The following CDHR3 variants were observed in gnomAD, a reference collection of about 807,000 sequenced individuals.
The protein encoded by CDHR3 is cadherin-related family member 3.
A neutral mutation model predicts 86.6 loss-of-function variants in CDHR3; 79 were observed. The ratio of observed to expected loss-of-function variants is 0.91; its 90% CI spans 0.76 to 1.10. The LOEUF (loss-of-function observed/expected upper bound fraction) is 1.10, where lower values mean the gene tolerates loss of function less well. CDHR3 is among the 50% of genes least tolerant of loss of function. The pLI, the probability that CDHR3 is intolerant of heterozygous loss-of-function variation, is 0.00. For synonymous variants in CDHR3, 421 were observed against 402.4 expected (o/e 1.05, Z -0.55); for missense variants, 1,081 against 1,077.6 (o/e 1.00, Z -0.04).
intron 8 of CDHR3, among the ~76,000 whole-genome samples, chr7:106,005,700 C>T (rs1585721492): frequency 6.6e-6 from 1 of 152,200 alleles, no homozygotes; most frequent in Non-Finnish European, 1.5e-5. Flanking sequence ...GACCCTAGAC[C>T]AGGATTGCCT....
In CDHR3 at chr7:105,976,782, G is replaced by A. The variant is rs150273430; in HGVS notation, c.249+1736G>A. Among the ~76,000 whole-genome samples, 395 of 152,274 alleles carry A rather than the reference G, an allele frequency of 2.6e-3. 1 individual carries two copies. Among genetic ancestry groups the A allele is most frequent in the African/African-American group, 8.6e-3 (359 of 41,548 alleles). ...GTCACCCATGTTGTAGCCTGGATCA[G>A]TACTTCATTGCTTTTTATGGCTGAA... On this transcript the variant is annotated intron_variant, in intron 2 of 18. Transcript: ENST00000317716.
In CDHR3 at chr7:106,024,399, G is replaced by GT. The variant is rs1563304380; in HGVS notation, c.2096dup (p.Leu700ProfsTer79). The GT allele has an allele frequency of 6.2e-7, 1 of 1,613,960 alleles. No homozygotes were observed. Among genetic ancestry groups the GT allele is most frequent in the Non-Finnish European group, 8.5e-7 (1 of 1,179,874 alleles). On this transcript the variant is annotated frameshift_variant, in exon 15 of 19. Transcript: ENST00000317716. LOFTEE classifies it high-confidence loss of function. ...GTTCAAGCCCAGGGTCACCTATCAG[G>GT]TCCTGAGGAAAAACGTTTACTCTCC... is the stretch of plus-strand genomic sequence containing the variant.
chr7:106,030,771 C>A lies in CDHR3; in HGVS notation c.2305-21C>A. ...AAGGAATGTAGGATTGTGTTTGATG[C>A]TGTCTCTGTCTTCTCCTTAGGAAAC... On this transcript the variant is annotated intron_variant, in intron 17 of 18. Transcript: ENST00000317716. The surrounding 1 kb of genome is among the most constrained non-coding windows in gnomAD (Gnocchi z 4.8). 6.2e-7 allele frequency: 1 copy of A among 1,605,514 alleles called. No individual in the cohort carries two copies. Among genetic ancestry groups the A allele is most frequent in the African/African-American group, 1.3e-5 (1 of 74,908 alleles).
chr7:106,024,727 C>A (rs1008816107), intron 15 of CDHR3, among the ~76,000 whole-genome samples, 165 bp downstream of exon 15: 1 of 152,186 alleles, frequency 6.6e-6, no homozygotes, highest in Non-Finnish European at 1.5e-5. Flanking sequence ...CAGCTCCCCT[C>A]GGTCCTGGTG....
intron 10 of CDHR3, among the ~76,000 whole-genome samples, chr7:106,015,426 G>A (rs536816631): frequency 7.2e-5 from 11 of 151,952 alleles, no homozygotes; most frequent in South Asian, 4.2e-4. Flanking sequence ...TAAAGCCTTC[G>A]AGCATCTCCT....
chr7:105,988,721 G>A (rs763552423), intron 4 of CDHR3, among the ~76,000 whole-genome samples: 1 of 152,118 alleles, frequency 6.6e-6, no homozygotes, highest in Non-Finnish European at 1.5e-5. Flanking sequence ...ATATTGGACC[G>A]GCTCTGTCCA....
chr7:106,022,408 T>A lies in CDHR3; in HGVS notation c.2036T>A (p.Val679Asp), dbSNP rs1836708372. The A allele has an allele frequency of 3.1e-6, 5 of 1,613,852 alleles. 1 individual carries two copies. In the Admixed American group the frequency reaches 6.7e-5, roughly 22 times the overall value. Residue 679 changes from valine (V) to aspartate (D), a missense_variant, in exon 14 of 19, where the codon GTC becomes GAC. Coordinates refer to ENST00000317716, the MANE Select transcript of CDHR3 (RefSeq NM_152750.5). ...GGAACAGTGACACTGAGTATTAAAG[T>A]CATTCCCCACCCAACCACTATCATC... Reference protein sequence around the residue: ...ETGTVTLSIKVIPHPTTIITT... With the variant: ...ETGTVTLSIKDIPHPTTIITT...
intron 8 of CDHR3, among the ~76,000 whole-genome samples, chr7:106,007,131 G>A (rs370810075): frequency 9.8e-5 from 15 of 152,298 alleles, no homozygotes; most frequent in East Asian, 5.8e-4. Context: ...AAGCTAGAGC[G>A]GCTGGGATGC....
At chr7:106,006,538 T>G (rs1346415822) in intron 8 of CDHR3, among the ~76,000 whole-genome samples, 1 of 152,216 alleles carries the variant, frequency 6.6e-6, no homozygotes, top group African/African-American at 2.4e-5. Context: ...TTGGCCAAAA[T>G]GCAGGTGCTA....
chr7:105,981,137 G>A lies in CDHR3; in HGVS notation c.415+4G>A, dbSNP rs1181167022. On this transcript the variant is annotated splice_donor_region_variant and intron_variant, in intron 3 of 18. Transcript: ENST00000317716. ...TTTCAAGGCAACTTGGCAGAAGGTA[G>A]GATACACCAGGATGTGCACTGCAGC... is the stretch of plus-strand genomic sequence containing the variant. The A allele has an allele frequency of 1.1e-5, 17 of 1,613,042 alleles. No homozygotes were observed. The highest frequency in any genetic ancestry group is 1.4e-5 in the Non-Finnish European group (17 of 1,179,458).
chr7:105,989,044 C>A lies in CDHR3; in HGVS notation c.513+4755C>A, dbSNP rs890907629. On this transcript the variant is annotated intron_variant, in intron 4 of 18. Transcript: ENST00000317716. ...GGCTACTGCATTGGCCAGGCACAGG[C>A]TTAGATCTAGCATTGGTTCCCCCTT... 2.0e-5 allele frequency among the ~76,000 whole-genome samples: 3 copies of A among 152,154 alleles called. 1 individual carries two copies. In the South Asian group the frequency reaches 6.2e-4, roughly 32 times the overall value.
At chr7:105,980,427 A>C (rs1290563153) in intron 2 of CDHR3, among the ~76,000 whole-genome samples, 1 of 135,850 alleles carries the variant, frequency 7.4e-6, no homozygotes, top group East Asian at 2.1e-4. Flanking sequence ...TTTTTTATTT[A>C]TTTTTGTAAT....
rs1474658214 is a variant in CDHR3, at chr7:106,012,791, G to A, written c.1053-69G>A. The A allele has an allele frequency of 2.0e-6, 3 of 1,494,576 alleles. No individual in the cohort carries two copies. In the African/African-American group the frequency reaches 4.2e-5, roughly 21 times the overall value. 92.6% of individuals were successfully genotyped at this position (1,494,576 alleles called of 1,614,324 possible). On this transcript the variant is annotated intron_variant, in intron 8 of 18. Coordinates refer to ENST00000317716, the MANE Select transcript of CDHR3 (RefSeq NM_152750.5). ...GTTAAAGTAGAGGTGTCTAGCCCAG[G>A]GCCCATGTGAGAAGGAACAGTCGAT... is the stretch of plus-strand genomic sequence containing the variant.
rs1041663405 is a variant in CDHR3 at position 106,030,286 on chromosome 7, T to C, written c.2305-506T>C. 6.6e-6 allele frequency among the ~76,000 whole-genome samples: 1 copy of C among 152,166 alleles called. No homozygotes were observed. The highest frequency in any genetic ancestry group is 2.4e-5 in the African/African-American group (1 of 41,436). On this transcript the variant is annotated intron_variant, in intron 17 of 18. Transcript: ENST00000317716. This position sits in a 1 kb window ranked among gnomAD's most constrained non-coding sequence, Gnocchi z 4.8. Reference sequence around the variant, plus strand: ...CTTAGGTGAGGCCCAGATGCGACACTGCATTGGCCTAGGCAAGGGGAGGCC... The same window carrying C: ...CTTAGGTGAGGCCCAGATGCGACACCGCATTGGCCTAGGCAAGGGGAGGCC...
At position 106,004,679 on chromosome 7, in the gene CDHR3, C is replaced by T. The variant is rs562175364; in HGVS notation, c.1044C>T (p.Phe348=). Residue 348 remains phenylalanine, a synonymous_variant, in exon 8 of 19, where the codon TTC becomes TTT. Coordinates refer to ENST00000317716, the MANE Select transcript of CDHR3 (RefSeq NM_152750.5). The part of the protein sequence containing the change: ...VNDNPATCQK[F]TFSIMVPERT... ...ACAATCCTGCCACATGCCAAAAGTT[C>T]ACCTTCAGGTATGCACACTTTGAAA... 6.2e-7 allele frequency: 1 copy of T among 1,614,010 alleles called. No individual in the cohort carries two copies. The highest frequency in any genetic ancestry group is 1.3e-5 in the African/African-American group (1 of 75,058).
At chr7:106,028,992 CTTTT>C (rs1178176316) in intron 17 of CDHR3, among the ~76,000 whole-genome samples, 6 of 129,624 alleles carry the variant, frequency 4.6e-5, no homozygotes, top group African/African-American at 8.7e-5. Flanking sequence ...TTCTTTCTTT[CTTTT>C]TAAGACACAG....
Position 106,004,578 on chromosome 7 carries a change from G to C in CDHR3, c.943G>C (p.Val315Leu). The change falls in exon 8 of 19, where the codon GTT becomes CTT. Residue 315 changes from valine (V) to leucine (L), a missense_variant. Val to Leu is a conservative substitution (Grantham distance 32). Transcript: ENST00000317716. ...LRQNPTISLE[V>L]LVKDRPYGGQ... The stretch of plus-strand genomic sequence containing the variant: ...ACAAAATCCCACCATTTCCCTGGAA[G>C]TTCTAGTGAAGGACAGACCATATGG... 1.9e-6 allele frequency: 3 copies of C among 1,614,026 alleles called. No homozygotes were observed. The highest frequency in any genetic ancestry group is 2.5e-6 in the Non-Finnish European group (3 of 1,179,878).
chr7:106,018,113 G>T, intron 12 of CDHR3, 41 bp downstream of exon 12: 2 of 1,547,278 alleles, frequency 1.3e-6, no homozygotes, highest in Non-Finnish European at 1.8e-6. Context: ...AACCCAACTG[G>T]TTGACTTAGG....
In CDHR3 at chr7:106,030,789, T is replaced by C; in HGVS notation, c.2305-3T>C. The C allele has an allele frequency of 1.2e-6, 2 of 1,610,304 alleles. No individual in the cohort carries two copies. Among genetic ancestry groups the C allele is most frequent in the Non-Finnish European group, 1.7e-6 (2 of 1,178,334 alleles). ...TTTGATGCTGTCTCTGTCTTCTCCT[T>C]AGGAAACTATCCAGATGAACACTAT... On this transcript the variant is annotated splice_polypyrimidine_tract_variant and splice_region_variant and intron_variant, in intron 17 of 18. Coordinates refer to ENST00000317716, the MANE Select transcript of CDHR3 (RefSeq NM_152750.5). This position sits in a 1 kb window ranked among gnomAD's most constrained non-coding sequence, Gnocchi z 4.8.
Sources: allele counts gnomAD v4.1 joint callset (sites outside exome capture counted in the v4.1 genomes callset), GRCh38; gene constraint gnomAD v4.1.1; non-coding constraint Gnocchi (gnomAD v3.1); transcripts MANE v1.5; gene names NCBI Gene and HGNC (gene_info 2026-07-23, HGNC 2026-07-21).